Variants in SYT4 observed in about 807,000 individuals in gnomAD.
The protein encoded by SYT4 is synaptotagmin-4.
Under a neutral mutation model 32.9 loss-of-function variants are expected in SYT4, and 7 were observed. The ratio of observed to expected loss-of-function variants is 0.21; its 90% confidence interval spans 0.12 to 0.40. SYT4 has a LOEUF of 0.40. Among genes scored for constraint, SYT4 ranks in the 10% least tolerant of loss-of-function variants. The pLI, the probability that SYT4 is intolerant of heterozygous loss-of-function variation, is 1.00. For synonymous variants in SYT4, 205 were observed against 186.2 expected, an observed-to-expected ratio of 1.10 and a Z score of -0.82; for missense variants, 480 against 488.0, an observed-to-expected ratio of 0.98 and a Z score of 0.16.
At chr18:43,272,407 G>GC (rs1908658735) in intron 2 of SYT4, among the ~76,000 whole-genome samples, 1 of 152,122 alleles carries the variant, frequency 6.6e-6, no homozygotes, top group Non-Finnish European at 1.5e-5. Context: ...ACAACAGCAA[G>GC]TTTCCATTTA....
At chr18:43,272,667 G>A (rs1908665555) in intron 2 of SYT4, among the ~76,000 whole-genome samples, 1 of 152,116 alleles carries the variant, frequency 6.6e-6, no homozygotes, top group Non-Finnish European at 1.5e-5. Context: ...ATATGGGACA[G>A]CTGTATAAGT....
rs1017241698 is a variant in SYT4, at chr18:43,268,554, T to C, written c.*1787A>G. On this transcript the variant is annotated 3_prime_UTR_variant, in exon 4 of 4. Coordinates refer to ENST00000255224, the MANE Select transcript of SYT4 (RefSeq NM_020783.4). ...ATATATTCTGTTCCACGGCCCATGATACCAAATGCACATACATAAAATGGC... is the reference window on the plus strand; with the variant it reads ...ATATATTCTGTTCCACGGCCCATGACACCAAATGCACATACATAAAATGGC... 7 of 152,244 alleles carry C rather than the reference T, an allele frequency of 4.6e-5. No homozygotes were observed. The highest frequency in any genetic ancestry group is 1.7e-4 in the African/African-American group (7 of 41,420). 9.4% of individuals were successfully genotyped at this position (152,244 alleles called of 1,614,324 possible). A position where few individuals can be genotyped will look rare whatever the true frequency, so the allele number is the denominator to read the frequency against.
In SYT4 at chr18:43,270,241, A is replaced by C. The variant is rs1461543915; in HGVS notation, c.*100T>G. The C allele has an allele frequency of 3.9e-6, 5 of 1,280,632 alleles. No individual in the cohort carries two copies. Among genetic ancestry groups the C allele is most frequent in the Non-Finnish European group, 5.4e-6 (5 of 921,838 alleles). 79.3% of individuals were successfully genotyped at this position (1,280,632 alleles called of 1,614,324 possible). A position where few individuals can be genotyped will look rare whatever the true frequency, so the allele number is the denominator to read the frequency against. ...TTCTAGCAACAACAACAACAACAAA[A>C]AGGTAGCTTGATTTCCCAAGCTTGC... is the stretch of plus-strand genomic sequence containing the variant. On this transcript the variant is annotated 3_prime_UTR_variant, in exon 4 of 4. Coordinates refer to ENST00000255224, the MANE Select transcript of SYT4 (RefSeq NM_020783.4).
intron 3 of SYT4, among the ~76,000 whole-genome samples, chr18:43,271,169 C>G (rs1316315308): frequency 2.0e-5 from 3 of 151,940 alleles, no homozygotes; most frequent in Non-Finnish European, 4.4e-5. Flanking sequence ...CTTTCTGTTT[C>G]CTAGTGTTGA....
chr18:43,275,565 AACC>A (rs1908766876), intron 1 of SYT4, among the ~76,000 whole-genome samples: 1 of 152,132 alleles, frequency 6.6e-6, no homozygotes, highest in Admixed American at 6.6e-5. Flanking sequence ...TTTTCTAAAT[AACC>A]ACAAGAAATC....
chr18:43,270,214 A>G lies in SYT4; in HGVS notation c.*127T>C. 1.0e-6 allele frequency: 1 copy of G among 996,082 alleles called. No homozygotes were observed. The highest frequency in any genetic ancestry group is 1.6e-5 in the South Asian group (1 of 62,928). 61.7% of individuals were successfully genotyped at this position (996,082 alleles called of 1,614,324 possible). A position where few individuals can be genotyped will look rare whatever the true frequency, so the allele number is the denominator to read the frequency against. On this transcript the variant is annotated 3_prime_UTR_variant, in exon 4 of 4. Coordinates refer to ENST00000255224, the MANE Select transcript of SYT4 (RefSeq NM_020783.4). ...ACTTTCTGGTCTACTAATTCAATCCATTTCTAGCAACAACAACAACAACAA... is the reference window on the plus strand; with the variant it reads ...ACTTTCTGGTCTACTAATTCAATCCGTTTCTAGCAACAACAACAACAACAA...
Position 43,270,535 on chromosome 18 carries a change from T to C in SYT4, c.1084A>G (p.Ile362Val), listed in dbSNP as rs1350828692. 1.2e-6 allele frequency: 2 copies of C among 1,613,976 alleles called. No homozygotes were observed. The highest frequency in any genetic ancestry group is 1.7e-6 in the Non-Finnish European group (2 of 1,179,996). ...ATATCTTCAAGGCCCTCACAAGGAA[T>C]ATCAAAGACAAACAGCTCATTGAAC... ...AVFNELFVFDIPCEGLEDISV... is the reference protein window; with the variant it reads ...AVFNELFVFDVPCEGLEDISV... The change falls in exon 4 of 4, where the codon ATT (isoleucine) becomes GTT (valine). Residue 362 changes from isoleucine (I) to valine (V), a missense_variant. By Grantham distance (29) the Ile-to-Val change is conservative. Coordinates refer to ENST00000255224, the MANE Select transcript of SYT4 (RefSeq NM_020783.4).
chr18:43,277,167 G>A (rs377525805), intron 1 of SYT4, 81 bp downstream of exon 1: 10 of 1,557,796 alleles, frequency 6.4e-6, no homozygotes, highest in East Asian at 2.3e-5. Context: ...TTCAACAACC[G>A]GGCAAAAAAT....
In SYT4 at chr18:43,269,498, G is replaced by C. The variant is rs1037364394; in HGVS notation, c.*843C>G. The C allele has an allele frequency of 6.6e-6, 1 of 152,492 alleles. No individual in the cohort carries two copies. Among genetic ancestry groups the C allele is most frequent in the Non-Finnish European group, 1.5e-5 (1 of 68,022 alleles). The allele number at this position is 152,492 out of a possible 1,614,324, so 9.4% of individuals were successfully genotyped here. A position where few individuals can be genotyped will look rare whatever the true frequency, so the allele number is the denominator to read the frequency against. On this transcript the variant is annotated 3_prime_UTR_variant, in exon 4 of 4. Coordinates refer to ENST00000255224, the MANE Select transcript of SYT4 (RefSeq NM_020783.4). ...TATAAGAAAATTGCACTTCTAACTGGATTTCTAGTTGAAGTTTATTTCTTT... is the reference window on the plus strand; with the variant it reads ...TATAAGAAAATTGCACTTCTAACTGCATTTCTAGTTGAAGTTTATTTCTTT...
At position 43,275,100 on chromosome 18, in the gene SYT4, ATTAAAC is replaced by A. The variant is rs138025710; in HGVS notation, c.35-712_35-707del. 3.6e-3 allele frequency among the ~76,000 whole-genome samples: 541 copies of A among 152,288 alleles called. 7 individuals carry two copies. The highest frequency in any genetic ancestry group is 0.013 in the African/African-American group (523 of 41,574). On this transcript the variant is annotated intron_variant, in intron 1 of 3. Transcript: ENST00000255224. ...ACTGAATTATACAAAGTATAAATTA[ATTAAAC>A]TTAAATAAGATAAAAACAGAACAAT...
In SYT4 at chr18:43,273,686, A is replaced by G; in HGVS notation, c.743T>C (p.Phe248Ser). 6.2e-7 allele frequency: 1 copy of G among 1,613,994 alleles called. No homozygotes were observed. Among genetic ancestry groups the G allele is most frequent in the Non-Finnish European group, 8.5e-7 (1 of 1,179,894 alleles). ...LHFTILSFDRFSRDDIIGEVL... is the reference protein window; with the variant it reads ...LHFTILSFDRSSRDDIIGEVL... The stretch of plus-strand genomic sequence containing the variant: ...TTCCCCAATGATATCATCTCTTGAA[A>G]ACCTGTCAAAACTCAAAATTGTGAA... Residue 248 changes from phenylalanine (F) to serine (S), a missense_variant, in exon 2 of 4, where the codon TTT (phenylalanine) becomes TCT (serine). Coordinates refer to ENST00000255224, the MANE Select transcript of SYT4 (RefSeq NM_020783.4).
At position 43,269,416 on chromosome 18, in the gene SYT4, C is replaced by T. The variant is rs999504730; in HGVS notation, c.*925G>A. 3 of 152,172 alleles carry T rather than the reference C, an allele frequency of 2.0e-5. No individual in the cohort carries two copies. The highest frequency in any genetic ancestry group is 4.4e-5 in the Non-Finnish European group (3 of 68,034). 9.4% of individuals were successfully genotyped at this position (152,172 alleles called of 1,614,324 possible). On this transcript the variant is annotated 3_prime_UTR_variant, in exon 4 of 4. Coordinates refer to ENST00000255224, the MANE Select transcript of SYT4 (RefSeq NM_020783.4). The stretch of plus-strand genomic sequence containing the variant: ...TAAATGAAGACTTAGGTGGCCATGC[C>T]GACTCTGGGTACAAACGATGGCCTT...
intron 1 of SYT4, among the ~76,000 whole-genome samples, chr18:43,274,783 C>T (rs768971608): frequency 9.9e-5 from 15 of 152,046 alleles, no homozygotes; most frequent in Non-Finnish European, 2.1e-4. Flanking sequence ...TGAGGCTTTC[C>T]AGAGCATCAC....
intron 1 of SYT4, among the ~76,000 whole-genome samples, chr18:43,275,344 C>T (rs1337416168): frequency 6.6e-6 from 1 of 152,076 alleles, no homozygotes; most frequent in Non-Finnish European, 1.5e-5. Context: ...TATATGTAAG[C>T]ATCTTTCTTG....
Position 43,277,396 on chromosome 18 carries a change from GGGC to G in SYT4, c.-118_-116del. ...GCTGAAAACAACAGCGCAGAGCCCA[GGGC>G]ACCAGCTCCTGGAACAGGGAGGAGG... On this transcript the variant is annotated 5_prime_UTR_variant, in exon 1 of 4. Transcript: ENST00000255224. 8.1e-7 allele frequency: 1 copy of G among 1,234,872 alleles called. No individual in the cohort carries two copies. The highest frequency in any genetic ancestry group is 1.2e-6 in the Non-Finnish European group (1 of 849,408). 76.5% of individuals were successfully genotyped at this position (1,234,872 alleles called of 1,614,324 possible). A position where few individuals can be genotyped will look rare whatever the true frequency, so the allele number is the denominator to read the frequency against.
At position 43,274,216 on chromosome 18, in the gene SYT4, C is replaced by T. The variant is rs746484440; in HGVS notation, c.213G>A (p.Lys71=). 1.2e-6 allele frequency: 2 copies of T among 1,613,916 alleles called. No individual in the cohort carries two copies. The highest frequency in any genetic ancestry group is 2.2e-5 in the South Asian group (2 of 91,066). ...CATTTTTATCATCTGCTCCAAACTT[C>T]TTTTTGCTATTTAGGTTTTCAGGGT... ...DIYPENLNSK[K]KFGADDKNEV... is the part of the protein sequence containing the mutation. Residue 71 remains lysine (K), a synonymous_variant, in exon 2 of 4, where the codon AAG becomes AAA. Coordinates refer to ENST00000255224, the MANE Select transcript of SYT4 (RefSeq NM_020783.4).
chr18:43,277,218 C>T, intron 1 of SYT4, 30 bp downstream of exon 1: 1 of 1,613,728 alleles, frequency 6.2e-7, no homozygotes, highest in Non-Finnish European at 8.5e-7. Context: ...CAAGGAATAA[C>T]CGCAGTCATA....
Position 43,270,343 on chromosome 18 carries a change from A to G in SYT4, c.1276T>C (p.Ter426GlnextTer13). The change falls in exon 4 of 4, where the codon TAG becomes CAG. Residue 426 changes from the stop codon to glutamine, a stop_lost. Transcript: ENST00000255224. ...IAKWHVLCDG* is the reference protein window; with the variant it reads ...IAKWHVLCDGQ ...AGTTCCAACTCACGGCTAGGATGCT[A>G]ACCATCACAGAGCACGTGCCACTTG... The G allele has an allele frequency of 6.2e-7, 1 of 1,613,402 alleles. No individual in the cohort carries two copies. Among genetic ancestry groups the G allele is most frequent in the Admixed American group, 1.7e-5 (1 of 60,012 alleles).
intron 1 of SYT4, among the ~76,000 whole-genome samples, chr18:43,276,665 G>C (rs1253838635): frequency 1.3e-5 from 2 of 152,158 alleles, no homozygotes; most frequent in Non-Finnish European, 1.5e-5. Context: ...GAAATGGGCT[G>C]AGCCAGTTCA....
Sources: gnomAD v4.1 joint callset for allele counts (sites outside exome capture counted in the v4.1 genomes callset) on GRCh38, gnomAD v4.1.1 for gene constraint, MANE v1.5 for transcripts, NCBI Gene and HGNC (gene_info 2026-07-23, HGNC 2026-07-21) for gene names.